IQGAP2: variants seen among roughly 807,000 people sequenced by gnomAD.
The protein encoded by IQGAP2 is ras GTPase-activating-like protein IQGAP2.
In IQGAP2, 173 loss-of-function variants were observed where a neutral mutation model predicts 201.3. That is an observed-to-expected ratio of 0.86 (90% confidence interval 0.76 to 0.98). The LOEUF (loss-of-function observed/expected upper bound fraction) is 0.98, where lower values mean the gene tolerates loss of function less well. Among genes scored for constraint, IQGAP2 ranks in the 50% least tolerant of loss-of-function variants. IQGAP2 has a pLI of 0.00. For synonymous variants in IQGAP2, 675 were observed against 673.9 expected, an observed-to-expected ratio of 1.00 and a Z score of -0.03; for missense variants, 1,687 against 1,864.8, an observed-to-expected ratio of 0.90 and a Z score of 1.76.
chr5:76,625,176 A>G (rs1349737838), intron 13 of IQGAP2, among the ~76,000 whole-genome samples: 2 of 152,226 alleles, frequency 1.3e-5, no homozygotes, highest in Non-Finnish European at 2.9e-5. Context: ...GTTGACTTAA[A>G]TTCATCTGAT....
In IQGAP2 at chr5:76,637,069, C is replaced by T. The variant is rs964889900; in HGVS notation, c.1816C>T (p.His606Tyr). The change falls in exon 16 of 36, where the codon CAC (histidine) becomes TAC (tyrosine). Residue 606 changes from histidine (H) to tyrosine (Y), a missense_variant. Coordinates refer to ENST00000274364, the MANE Select transcript of IQGAP2 (RefSeq NM_006633.5). ...CGGTTCATGGCTCAAACTCAACCTG[C>T]ACAAAAAATATGACTACTATTACAA... ...SDGSWLKLNL[H>Y]KKYDYYYNTD... The T allele has an allele frequency of 6.2e-7, 1 of 1,611,490 alleles. No homozygotes were observed. Among genetic ancestry groups the T allele is most frequent in the Non-Finnish European group, 8.5e-7 (1 of 1,178,422 alleles).
At chr5:76,589,557 T>A in intron 6 of IQGAP2, 58 bp from the exon 7 acceptor site, 1 of 915,698 alleles carries the variant, frequency 1.1e-6, no homozygotes, top group Non-Finnish European at 1.7e-6. Context: ...CATTCCTGCA[T>A]CCATCTCTGT....
chr5:76,447,532 T>G (rs1315854896), intron 1 of IQGAP2, among the ~76,000 whole-genome samples: 1 of 152,186 alleles, frequency 6.6e-6, no homozygotes, highest in Non-Finnish European at 1.5e-5. Context: ...CGTCGAGAGC[T>G]GCCAGAATCG....
chr5:76,438,008 G>GTTTT (rs768892670), intron 1 of IQGAP2, among the ~76,000 whole-genome samples: 85 of 90,860 alleles, frequency 9.4e-4, no homozygotes, highest in East Asian at 4.4e-3. Context: ...TTGGTCTGTA[G>GTTTT]TTTTTTTTTT....
intron 17 of IQGAP2, among the ~76,000 whole-genome samples, chr5:76,652,337 G>C (rs950677164): frequency 2.0e-5 from 3 of 152,188 alleles, no homozygotes; most frequent in Admixed American, 6.5e-5. Context: ...GCCACGTGTT[G>C]TGGTAAAGAT....
chr5:76,660,111 G>A (rs796330751), intron 21 of IQGAP2: 9 of 152,010 alleles, frequency 5.9e-5, no homozygotes, highest in African/African-American at 1.4e-4. Context: ...GAGCGCCAGC[G>A]GCCAGCAACC....
chr5:76,659,616 A>T (rs1743077727), intron 21 of IQGAP2, among the ~76,000 whole-genome samples: 1 of 152,222 alleles, frequency 6.6e-6, no homozygotes, highest in Admixed American at 6.5e-5. Context: ...GGCTCAGATA[A>T]TTACAAACAG....
At chr5:76,677,417 G>A in intron 28 of IQGAP2, 67 bp downstream of exon 28, 2 of 1,484,350 alleles carry the variant, frequency 1.3e-6, no homozygotes, top group East Asian at 2.3e-5. Context: ...TCTTGAAAAT[G>A]CTTAATCTCT....
chr5:76,644,711 A>T (rs928510335), intron 17 of IQGAP2, among the ~76,000 whole-genome samples: 2 of 152,176 alleles, frequency 1.3e-5, no homozygotes, highest in South Asian at 2.1e-4. Context: ...TGTCATGGCT[A>T]TGCACAAGAG....
Position 76,637,032 on chromosome 5 carries a change from A to C in IQGAP2, c.1781-2A>C. On this transcript the variant is annotated splice_acceptor_variant, in intron 15 of 35. Coordinates refer to ENST00000274364, the MANE Select transcript of IQGAP2 (RefSeq NM_006633.5). LOFTEE classifies it high-confidence loss of function. ...TAGAATTTAACAAACTTTTTTCTTT[A>C]GTGTCTAGTGACGGTTCATGGCTCA... 2 of 1,590,932 alleles carry C rather than the reference A, an allele frequency of 1.3e-6. No homozygotes were observed. Among genetic ancestry groups the C allele is most frequent in the Non-Finnish European group, 1.7e-6 (2 of 1,170,838 alleles).
At chr5:76,578,370 T>A (rs2150286254) in intron 5 of IQGAP2, among the ~76,000 whole-genome samples, 1 of 152,084 alleles carries the variant, frequency 6.6e-6, no homozygotes, top group South Asian at 2.1e-4. Context: ...TAGAGTGCAG[T>A]GGTGCAATCT....
intron 1 of IQGAP2, among the ~76,000 whole-genome samples, chr5:76,451,651 G>T (rs1252026832): frequency 6.6e-6 from 1 of 152,208 alleles, no homozygotes; most frequent in East Asian, 1.9e-4. Flanking sequence ...AGATAGATCA[G>T]TTAGATGCAT....
At chr5:76,484,653 A>T (rs987395197) in intron 2 of IQGAP2, among the ~76,000 whole-genome samples, 2 of 152,042 alleles carry the variant, frequency 1.3e-5, no homozygotes, top group East Asian at 1.9e-4. Flanking sequence ...AAAGTATAAT[A>T]AAAAAATTAA....
chr5:76,509,021 GTA>G (rs1293087793), intron 2 of IQGAP2, among the ~76,000 whole-genome samples: 2 of 107,966 alleles, frequency 1.9e-5, no homozygotes, highest in African/African-American at 3.7e-5. Flanking sequence ...CAGTTTGGCT[GTA>G]TATATATGTG....
chr5:76,425,503 G>A (rs945148360), intron 1 of IQGAP2, among the ~76,000 whole-genome samples: 7 of 152,288 alleles, frequency 4.6e-5, no homozygotes, highest in Admixed American at 1.3e-4. Context: ...CTGTAGGGAA[G>A]TTAGAACCTA....
At chr5:76,599,470 C>A (rs1303371692) in intron 10 of IQGAP2, among the ~76,000 whole-genome samples, 1 of 152,082 alleles carries the variant, frequency 6.6e-6, no homozygotes, top group Non-Finnish European at 1.5e-5. Context: ...TTGCTGTAAA[C>A]CAATTTAGGT....
intron 13 of IQGAP2, among the ~76,000 whole-genome samples, chr5:76,622,709 C>T (rs1054086255): frequency 2.0e-5 from 3 of 152,188 alleles, no homozygotes; most frequent in African/African-American, 7.2e-5. Context: ...TTCGGAAATA[C>T]TGACTTATTA....
rs150667582 is a variant in IQGAP2, at chr5:76,411,908, C to T, written c.46+8317C>T. Among the ~76,000 whole-genome samples the T allele has an allele frequency of 6.0e-4, 91 of 152,228 alleles. No individual in the cohort carries two copies. In the East Asian group the frequency reaches 0.016, roughly 27 times the overall value. ...TTGGGAAGGCTGAGTGAACGGGGAA[C>T]CTTTTTGTGTAAGAAAGGGAACTCT... On this transcript the variant is annotated intron_variant, in intron 1 of 35. Transcript: ENST00000274364.
intron 1 of IQGAP2, among the ~76,000 whole-genome samples, chr5:76,409,932 C>T (rs958237481): frequency 1.3e-5 from 2 of 152,146 alleles, no homozygotes; most frequent in Non-Finnish European, 2.9e-5. Context: ...CCTCAGTAGC[C>T]TTGGGGTTTT....
Sources: allele counts gnomAD v4.1 joint callset (sites outside exome capture counted in the v4.1 genomes callset), GRCh38; gene constraint gnomAD v4.1.1; transcripts MANE v1.5; gene names NCBI Gene and HGNC (gene_info 2026-07-23, HGNC 2026-07-21).